Variants in LMBRD2 observed in about 807,000 individuals in gnomAD.
The protein encoded by LMBRD2 is G protein-coupled receptor-associated protein LMBRD2.
Under a neutral mutation model 94.4 loss-of-function variants are expected in LMBRD2, and 55 were observed. That is an observed-to-expected ratio of 0.58 (90% CI 0.47 to 0.73). The LOEUF is 0.73. Among genes scored for constraint, LMBRD2 ranks in the 30% least tolerant of loss-of-function variants. The pLI, the probability that LMBRD2 is intolerant of heterozygous loss-of-function variation, is 0.00. For synonymous variants in LMBRD2, 246 were observed against 272.4 expected, an observed-to-expected ratio of 0.90 and a Z score of 0.95; for missense variants, 640 against 831.9, an observed-to-expected ratio of 0.77 and a Z score of 2.84.
Position 36,148,703 on chromosome 5 carries a change from T to C in LMBRD2, c.-58+2853A>G, listed in dbSNP as rs922054193. Among the ~76,000 whole-genome samples the C allele has an allele frequency of 5.3e-5, 8 of 152,306 alleles. 1 individual carries two copies. The highest frequency in any genetic ancestry group is 3.9e-4 in the Admixed American group (6 of 15,294). ...CAGTGCAGAGAGGTTAAGTAACTTG[T>C]CCAAGTTAACAGAGCTGGTGAATGG... is the stretch of plus-strand genomic sequence containing the variant. On this transcript the variant is annotated intron_variant, in intron 1 of 17. Coordinates refer to ENST00000296603, the MANE Select transcript of LMBRD2 (RefSeq NM_001007527.2).
chr5:36,144,632 C>T lies in LMBRD2; in HGVS notation c.-57-1226G>A, dbSNP rs563191785. On this transcript the variant is annotated intron_variant, in intron 1 of 17. Transcript: ENST00000296603. ...CTGGAAGGCAGAGGTTGCAGTAAGC[C>T]GATATCGTGCCATTACACTGAAGCC... Among the ~76,000 whole-genome samples, 7 of 152,070 alleles carry T rather than the reference C, an allele frequency of 4.6e-5. No homozygotes were observed. In the East Asian group the frequency reaches 5.8e-4, roughly 13 times the overall value.
At chr5:36,142,987 A>C (rs1219265854) in intron 2 of LMBRD2, among the ~76,000 whole-genome samples, 189 bp downstream of exon 2, 1 of 152,002 alleles carries the variant, frequency 6.6e-6, no homozygotes, top group Admixed American at 6.6e-5. Context: ...GGCCTCCCAA[A>C]GTGCTAAAAT....
intron 1 of LMBRD2, chr5:36,147,794 G>C (rs1407390992): frequency 4.2e-6 from 1 of 237,924 alleles, no homozygotes; most frequent in Non-Finnish European, 8.4e-6. Context: ...CAAATGTTTT[G>C]AGAGAGAGAG....
intron 1 of LMBRD2, among the ~76,000 whole-genome samples, chr5:36,146,559 T>C (rs1744544992): frequency 6.6e-6 from 1 of 152,102 alleles, no homozygotes; most frequent in African/African-American, 2.4e-5. Flanking sequence ...ATTTTTTTTG[T>C]AGAGACAGGG....
intron 9 of LMBRD2, 54 bp from the exon 10 acceptor site, chr5:36,117,970 A>G: frequency 7.5e-7 from 1 of 1,328,662 alleles, no homozygotes; most frequent in Non-Finnish European, 1.0e-6. Context: ...GTAATGGGAT[A>G]TTTACATTGT....
intron 6 of LMBRD2, among the ~76,000 whole-genome samples, chr5:36,128,827 G>A (rs988874732): frequency 6.6e-6 from 1 of 152,164 alleles, no homozygotes; most frequent in African/African-American, 2.4e-5. Flanking sequence ...CTGTTTCAAG[G>A]AAACTCAACA....
intron 4 of LMBRD2, 86 bp from the exon 5 acceptor site, chr5:36,137,527 A>C: frequency 6.8e-6 from 5 of 734,150 alleles, no homozygotes; most frequent in Non-Finnish European, 1.1e-5. Flanking sequence ...TATGAATCTC[A>C]ATTTTAATGA....
At chr5:36,123,002 T>A in intron 7 of LMBRD2, 41 bp from the exon 8 acceptor site, 1 of 1,411,264 alleles carries the variant, frequency 7.1e-7, no homozygotes, top group Non-Finnish European at 9.3e-7. Context: ...ATCTTAATTG[T>A]AAAAAGATAA....
chr5:36,114,097 G>T (rs1395367126), intron 13 of LMBRD2, among the ~76,000 whole-genome samples: 1 of 152,266 alleles, frequency 6.6e-6, no homozygotes. Flanking sequence ...AGGGTGTTTT[G>T]CAGGCTACGA....
intron 6 of LMBRD2, among the ~76,000 whole-genome samples, chr5:36,131,909 TC>T: frequency 6.6e-6 from 1 of 152,164 alleles, no homozygotes; most frequent in Non-Finnish European, 1.5e-5. Context: ...ATCTACAATT[TC>T]GATGCAATCT....
intron 1 of LMBRD2, 67 bp from the exon 2 acceptor site, chr5:36,143,473 G>T: frequency 1.6e-6 from 1 of 626,128 alleles, no homozygotes; most frequent in Non-Finnish European, 2.7e-6. Context: ...AATTTCATCT[G>T]AATATTTATT....
At chr5:36,133,553 A>C (rs1018112430) in intron 6 of LMBRD2, among the ~76,000 whole-genome samples, 5 of 152,100 alleles carry the variant, frequency 3.3e-5, no homozygotes, top group Non-Finnish European at 7.4e-5. Flanking sequence ...CATGTACGAA[A>C]ATTTTTTAAA....
chr5:36,137,468 A>G lies in LMBRD2; in HGVS notation c.369-27T>C, dbSNP rs760876675. 9 of 1,461,438 alleles carry G rather than the reference A, an allele frequency of 6.2e-6. No homozygotes were observed. The Admixed American group carries it at 1.6e-4, about 26-fold the overall frequency. The allele number at this position is 1,461,438 out of a possible 1,614,324, so 90.5% of individuals were successfully genotyped here. On this transcript the variant is annotated intron_variant, in intron 4 of 17. Coordinates refer to ENST00000296603, the MANE Select transcript of LMBRD2 (RefSeq NM_001007527.2). ...TAGATGGATAGAAAAAATATGATTAAAAACCCAAATAATTGATATGTCTGT... is the reference window on the plus strand; with the variant it reads ...TAGATGGATAGAAAAAATATGATTAGAAACCCAAATAATTGATATGTCTGT...
chr5:36,145,314 ACT>A (rs1333598379), intron 1 of LMBRD2, among the ~76,000 whole-genome samples: 2 of 152,226 alleles, frequency 1.3e-5, no homozygotes, highest in Non-Finnish European at 2.9e-5. Context: ...AAGGCTTAAA[ACT>A]CTGAACATTA....
intron 11 of LMBRD2, among the ~76,000 whole-genome samples, 197 bp downstream of exon 11, chr5:36,116,263 A>G (rs1743742414): frequency 6.6e-6 from 1 of 152,170 alleles, no homozygotes; most frequent in African/African-American, 2.4e-5. Flanking sequence ...CTAACCTAGC[A>G]CACCTATTTT....
chr5:36,140,285 G>A (rs901152678), intron 4 of LMBRD2, among the ~76,000 whole-genome samples: 1 of 152,214 alleles, frequency 6.6e-6, no homozygotes, highest in African/African-American at 2.4e-5. Context: ...TCAGTGGCTG[G>A]ATCCCATGCT....
chr5:36,110,387 C>A (rs978063892), intron 14 of LMBRD2, among the ~76,000 whole-genome samples: 2 of 151,764 alleles, frequency 1.3e-5, no homozygotes, highest in African/African-American at 4.8e-5. Flanking sequence ...TTTTTTTCCC[C>A]CAGGATATGC....
intron 9 of LMBRD2, among the ~76,000 whole-genome samples, chr5:36,120,937 A>C (rs940875175): frequency 6.6e-6 from 1 of 151,992 alleles, no homozygotes; most frequent in East Asian, 1.9e-4. Flanking sequence ...CCTAATCTCT[A>C]AATTCTGGAG....
At chr5:36,144,638 C>G (rs972170096) in intron 1 of LMBRD2, among the ~76,000 whole-genome samples, 1 of 152,062 alleles carries the variant, frequency 6.6e-6, no homozygotes. Flanking sequence ...AAGCCGATAT[C>G]GTGCCATTAC....
Sources: gnomAD v4.1 joint callset for allele counts (sites outside exome capture counted in the v4.1 genomes callset) on GRCh38, gnomAD v4.1.1 for gene constraint, MANE v1.5 for transcripts, NCBI Gene and HGNC (gene_info 2026-07-23, HGNC 2026-07-21) for gene names.